Variants in MCTS1 observed in about 807,000 individuals in gnomAD.
MCTS1 encodes the protein MCTS1 re-initiation and release factor.
For missense variants in MCTS1, 55 were observed against 128.6 expected (o/e 0.43, Z 2.77); for synonymous variants, 26 against 40.8 (o/e 0.64, Z 1.38).
chrX:120,612,678 TG>T lies in MCTS1; in HGVS notation c.*415del. ...TCATTCTCGTGTGTGTGTGTGTGTGTGTGTGTGTATGTGTGTGTGTGTGTGT... is the reference window on the plus strand; with the variant it reads ...TCATTCTCGTGTGTGTGTGTGTGTGTTGTGTGTATGTGTGTGTGTGTGTGT... On this transcript the variant is annotated 3_prime_UTR_variant, in exon 6 of 6. Transcript: ENST00000371317. 1.5e-5 allele frequency among the ~76,000 whole-genome samples: 1 copy of T among 65,588 alleles called. No homozygotes were observed. The highest frequency in any genetic ancestry group is 4.5e-4 in the East Asian group (1 of 2,199). 57.0% of individuals were successfully genotyped at this position (65,588 alleles called of 115,157 possible).
chrX:120,612,171 T>G lies in MCTS1; in HGVS notation c.465-12T>G. On this transcript the variant is annotated splice_polypyrimidine_tract_variant and intron_variant, in intron 5 of 5. Coordinates refer to ENST00000371317, the MANE Select transcript of MCTS1 (RefSeq NM_014060.3). ...ATAAAAGTATGTTTATGTGTTTTTT[T>G]TCCTTCTACAGTGAGAAAGTCAACA... The G allele has an allele frequency of 8.6e-7, 1 of 1,165,478 alleles. No homozygotes were observed. The highest frequency in any genetic ancestry group is 1.2e-6 in the Non-Finnish European group (1 of 857,181).
At position 120,610,490 on chromosome X, in the gene MCTS1, G is replaced by C. The variant is rs765261280; in HGVS notation, c.397-521G>C. Among the ~76,000 whole-genome samples, 192 of 111,610 alleles carry C rather than the reference G, an allele frequency of 1.7e-3. 1 individual carries two copies. Among genetic ancestry groups the C allele is most frequent in the African/African-American group, 6.2e-3 (190 of 30,720 alleles). On this transcript the variant is annotated intron_variant, in intron 4 of 5. Transcript: ENST00000371317. ...TAGCTGGGTGTGGTGGCACACGCCTGTAGCACCAGCTACTCGGGAGGCTGA... is the reference window on the plus strand; with the variant it reads ...TAGCTGGGTGTGGTGGCACACGCCTCTAGCACCAGCTACTCGGGAGGCTGA...
chrX:120,607,400 C>G (rs1012676752), intron 3 of MCTS1, among the ~76,000 whole-genome samples: 4 of 111,321 alleles, frequency 3.6e-5, no homozygotes, highest in Non-Finnish European at 7.5e-5. Context: ...TTATTGTACT[C>G]TCGAATACTA....
At position 120,618,349 on chromosome X, in the gene MCTS1, A is replaced by C. The variant is rs1418745402; in HGVS notation, c.*6085A>C. 1.8e-5 allele frequency among the ~76,000 whole-genome samples: 2 copies of C among 112,349 alleles called. No homozygotes were observed. Among genetic ancestry groups the C allele is most frequent in the Non-Finnish European group, 3.8e-5 (2 of 53,290 alleles). On this transcript the variant is annotated 3_prime_UTR_variant, in exon 6 of 6. Coordinates refer to ENST00000371317, the MANE Select transcript of MCTS1 (RefSeq NM_014060.3). ...TTTTCATTAGTTCTAATGCTGCTGC[A>C]TGCAAATTTTGTTTAAAACCAAAAT...
intron 1 of MCTS1, 107 bp downstream of exon 1, chrX:120,604,354 A>G: frequency 9.6e-7 from 1 of 1,040,592 alleles, no homozygotes; most frequent in African/African-American, 1.8e-5. Context: ...CGCCCCTGCC[A>G]TCCTGACTCC....
At position 120,612,996 on chromosome X, in the gene MCTS1, G is replaced by C. The variant is rs1195260213; in HGVS notation, c.*732G>C. Among the ~76,000 whole-genome samples the C allele has an allele frequency of 1.9e-5, 2 of 103,053 alleles. No homozygotes were observed. The highest frequency in any genetic ancestry group is 3.9e-5 in the Non-Finnish European group (2 of 50,767). 89.5% of individuals were successfully genotyped at this position (103,053 alleles called of 115,157 possible). A position where few individuals can be genotyped will look rare whatever the true frequency, so the allele number is the denominator to read the frequency against. ...GGCTGGAGTGCAGTGGTACGATCTT[G>C]GCTCACTGTAACCTCCACCTCCCGG... On this transcript the variant is annotated 3_prime_UTR_variant, in exon 6 of 6. Transcript: ENST00000371317.
At chrX:120,606,219 T>A in intron 3 of MCTS1, 43 bp downstream of exon 3, 1 of 775,845 alleles carries the variant, frequency 1.3e-6, no homozygotes, top group Non-Finnish European at 1.8e-6. Flanking sequence ...TTACTCCTAT[T>A]GCAATATTCA....
chrX:120,604,617 A>C, intron 1 of MCTS1: 1 of 948,040 alleles, frequency 1.1e-6, no homozygotes, highest in Non-Finnish European at 1.4e-6. Context: ...CCATATGTTT[A>C]TTAGTTATGA....
At position 120,616,199 on chromosome X, in the gene MCTS1, C is replaced by T. The variant is rs1319072193; in HGVS notation, c.*3935C>T. Among the ~76,000 whole-genome samples, 1 of 111,749 alleles carries T rather than the reference C, an allele frequency of 8.9e-6. No individual in the cohort carries two copies. The highest frequency in any genetic ancestry group is 1.9e-5 in the Non-Finnish European group (1 of 53,001). On this transcript the variant is annotated 3_prime_UTR_variant, in exon 6 of 6. Coordinates refer to ENST00000371317, the MANE Select transcript of MCTS1 (RefSeq NM_014060.3). ...TTTTGAGACTATAATTATCAAGGCT[C>T]TTCAAGAAACTCAAAATGATTCTAA...
In MCTS1 at chrX:120,615,914, A is replaced by C. The variant is rs944343234; in HGVS notation, c.*3650A>C. Among the ~76,000 whole-genome samples the C allele has an allele frequency of 8.9e-6, 1 of 112,611 alleles. No individual in the cohort carries two copies. The highest frequency in any genetic ancestry group is 1.9e-5 in the Non-Finnish European group (1 of 53,363). Reference sequence around the variant, plus strand: ...TTTTATATTCCCCAAACAGAAGGTTATATGGCATATATCAAATAATAATGA... The same window carrying C: ...TTTTATATTCCCCAAACAGAAGGTTCTATGGCATATATCAAATAATAATGA... On this transcript the variant is annotated 3_prime_UTR_variant, in exon 6 of 6. Transcript: ENST00000371317.
At chrX:120,608,925 A>T (rs921217528) in intron 4 of MCTS1, among the ~76,000 whole-genome samples, 1 of 111,955 alleles carries the variant, frequency 8.9e-6, no homozygotes, top group African/African-American at 3.2e-5. Context: ...GCCTCAGAGC[A>T]CGTTTTCTCA....
intron 2 of MCTS1, among the ~76,000 whole-genome samples, 160 bp from the exon 3 acceptor site, chrX:120,605,919 T>C (rs1926519401): frequency 8.9e-6 from 1 of 112,744 alleles, no homozygotes; most frequent in Non-Finnish European, 1.9e-5. Context: ...TTTTTTTCTC[T>C]ACTGGACTTG....
chrX:120,608,112 A>C (rs1257558275), intron 3 of MCTS1, 113 bp from the exon 4 acceptor site: 3 of 557,007 alleles, frequency 5.4e-6, no homozygotes, highest in Non-Finnish European at 8.0e-6. Context: ...AGTGTTTCAG[A>C]GTTTTCTTTT....
intron 5 of MCTS1, 138 bp from the exon 6 acceptor site, chrX:120,612,045 T>C (rs896992785): frequency 2.1e-6 from 1 of 483,077 alleles, no homozygotes; most frequent in African/African-American, 2.4e-5. Flanking sequence ...TAAACAACAA[T>C]GTAATTGTGA....
intron 4 of MCTS1, among the ~76,000 whole-genome samples, chrX:120,610,520 G>C (rs1161215070): frequency 8.9e-6 from 1 of 112,151 alleles, no homozygotes; most frequent in Non-Finnish European, 1.9e-5. Flanking sequence ...GGCTGAGGCA[G>C]GAGAATTGCT....
In MCTS1 at chrX:120,616,890, GA is replaced by G. The variant is rs777056300; in HGVS notation, c.*4629del. ...CAATTCTAATTAATGGATTGTTTTAGAAATGTATTTGTGAAATATAGCAAAC... is the reference window on the plus strand; with the variant it reads ...CAATTCTAATTAATGGATTGTTTTAGAATGTATTTGTGAAATATAGCAAAC... On this transcript the variant is annotated 3_prime_UTR_variant, in exon 6 of 6. Transcript: ENST00000371317. Among the ~76,000 whole-genome samples, 13 of 112,215 alleles carry G rather than the reference GA, an allele frequency of 1.2e-4. No individual in the cohort carries two copies. The highest frequency in any genetic ancestry group is 2.4e-4 in the Non-Finnish European group (13 of 53,254).
intron 4 of MCTS1, 136 bp downstream of exon 4, chrX:120,608,494 G>T: frequency 1.4e-6 from 1 of 699,888 alleles, no homozygotes; most frequent in African/African-American, 2.2e-5. Context: ...ATGCCTTTCT[G>T]GTTACATTTG....
rs888138776 is a variant in MCTS1 at position 120,620,204 on chromosome X, A to C, written c.*7940A>C. Among the ~76,000 whole-genome samples the C allele has an allele frequency of 9.0e-6, 1 of 110,674 alleles. No individual in the cohort carries two copies. Among genetic ancestry groups the C allele is most frequent in the Non-Finnish European group, 1.9e-5 (1 of 52,935 alleles). On this transcript the variant is annotated 3_prime_UTR_variant, in exon 6 of 6. Coordinates refer to ENST00000371317, the MANE Select transcript of MCTS1 (RefSeq NM_014060.3). ...GCGCCTGTAGTCCCAGCTACTCGGG[A>C]GGCTGAGGCAGGAGAGTGGCATGAA...
chrX:120,617,294 C>A lies in MCTS1; in HGVS notation c.*5030C>A, dbSNP rs978340319. The stretch of plus-strand genomic sequence containing the variant: ...GCAACCTCTGTCTTCCGGGTTCAAG[C>A]GATTCTCCTGCCTCAGCCTCCCGAG... On this transcript the variant is annotated 3_prime_UTR_variant, in exon 6 of 6. Coordinates refer to ENST00000371317, the MANE Select transcript of MCTS1 (RefSeq NM_014060.3). 9.0e-6 allele frequency among the ~76,000 whole-genome samples: 1 copy of A among 111,266 alleles called. No individual in the cohort carries two copies. Among genetic ancestry groups the A allele is most frequent in the Admixed American group, 9.6e-5 (1 of 10,431 alleles).
Sources: allele counts gnomAD v4.1 joint callset (sites outside exome capture counted in the v4.1 genomes callset), GRCh38; gene constraint gnomAD v4.1.1; transcripts MANE v1.5; gene names NCBI Gene and HGNC (gene_info 2026-07-23, HGNC 2026-07-21).